PPARGC1B: variants seen among roughly 807,000 people sequenced by gnomAD.
PPARGC1B encodes peroxisome proliferator-activated receptor gamma coactivator 1-beta.
Under a neutral mutation model 101.6 loss-of-function variants are expected in PPARGC1B, and 34 were observed. That is an observed-to-expected ratio of 0.33 (90% CI 0.25 to 0.45). The LOEUF (loss-of-function observed/expected upper bound fraction) is 0.45, where lower values mean the gene tolerates loss of function less well. Ranked by LOEUF, PPARGC1B falls within the 20% of genes least tolerant of loss-of-function variation. The pLI is 1.00. For synonymous variants in PPARGC1B, 548 were observed against 539.3 expected (o/e 1.02, Z -0.22); for missense variants, 1,234 against 1,317.6 (o/e 0.94, Z 0.98).
chr5:149,801,563 G>A (rs1162349579), intron 1 of PPARGC1B, among the ~76,000 whole-genome samples: 1 of 152,206 alleles, frequency 6.6e-6, no homozygotes, highest in Non-Finnish European at 1.5e-5. Flanking sequence ...GGGACAGGGA[G>A]GCAGGAGACA....
Sources: gnomAD v4.1 joint callset for allele counts (sites outside exome capture counted in the v4.1 genomes callset) on GRCh38, gnomAD v4.1.1 for gene constraint, MANE v1.5 for transcripts, NCBI Gene and HGNC (gene_info 2026-07-23, HGNC 2026-07-21) for gene names.